DRD3: variants seen among roughly 807,000 people sequenced by gnomAD.
DRD3 encodes dopamine receptor D3, also known as D(3) dopamine receptor.
In DRD3, 19 loss-of-function variants were observed where a neutral mutation model predicts 36.3. That is an observed-to-expected ratio of 0.52 (90% CI 0.36 to 0.77). The LOEUF is 0.77. Among genes scored for constraint, DRD3 ranks in the 30% least tolerant of loss-of-function variants. The pLI, the probability that DRD3 is intolerant of heterozygous loss-of-function variation, is 0.00. For synonymous variants in DRD3, 195 were observed against 203.7 expected (o/e 0.96, Z 0.36); for missense variants, 465 against 505.3 (o/e 0.92, Z 0.77).
At chr3:114,188,210 C>CTTTTTTT (rs57147337) in intron 1 of DRD3, among the ~76,000 whole-genome samples, 7 of 122,876 alleles carry the variant, frequency 5.7e-5, no homozygotes, top group Non-Finnish European at 9.9e-5. Flanking sequence ...CTTTTTTTCC[C>CTTTTTTT]TTTTTTTTTT....
At chr3:114,196,108 T>C (rs1197883244) in intron 1 of DRD3, among the ~76,000 whole-genome samples, 1 of 152,232 alleles carries the variant, frequency 6.6e-6, no homozygotes, top group Non-Finnish European at 1.5e-5. Flanking sequence ...ATCCGTAACA[T>C]AGGAACTGTT....
At chr3:114,148,236 T>C (rs2077586067) in intron 3 of DRD3, among the ~76,000 whole-genome samples, 1 of 152,182 alleles carries the variant, frequency 6.6e-6, no homozygotes, top group East Asian at 1.9e-4. Context: ...CTGAACACTC[T>C]GGGTGCTGGT....
chr3:114,144,775 G>T (rs917822885), intron 4 of DRD3, among the ~76,000 whole-genome samples: 21 of 152,204 alleles, frequency 1.4e-4, no homozygotes, highest in African/African-American at 5.1e-4. Flanking sequence ...AGGCTTGCTA[G>T]AGTGCTATTA....
intron 3 of DRD3, among the ~76,000 whole-genome samples, chr3:114,159,294 C>G (rs762212402): frequency 3.4e-4 from 52 of 151,938 alleles, no homozygotes; most frequent in Non-Finnish European, 6.2e-4. Flanking sequence ...CTCTCTCCCC[C>G]TCAAAAATTA....
At chr3:114,129,140 C>G (rs2077404441) in intron 6 of DRD3, among the ~76,000 whole-genome samples, 1 of 152,002 alleles carries the variant, frequency 6.6e-6, no homozygotes, top group Admixed American at 6.6e-5. Flanking sequence ...GTCAGGAGTA[C>G]AAGACCAGTC....
At chr3:114,146,559 C>T (rs758238343) in intron 4 of DRD3, among the ~76,000 whole-genome samples, 13 of 151,444 alleles carry the variant, frequency 8.6e-5, no homozygotes, top group Non-Finnish European at 1.6e-4. Flanking sequence ...ATTAGTGGGG[C>T]GTGGTGGTGG....
intron 3 of DRD3, among the ~76,000 whole-genome samples, chr3:114,151,970 C>T (rs2077622288): frequency 1.3e-5 from 2 of 152,222 alleles, no homozygotes. Flanking sequence ...CCTGGGGGTC[C>T]TGTTAAAATG....
chr3:114,160,891 C>G (rs755218850), intron 2 of DRD3, among the ~76,000 whole-genome samples: 1 of 152,054 alleles, frequency 6.6e-6, no homozygotes, highest in Non-Finnish European at 1.5e-5. Context: ...ATGCATCTAT[C>G]TATACATGTA....
intron 3 of DRD3, among the ~76,000 whole-genome samples, chr3:114,149,413 A>T (rs2077596778): frequency 6.6e-6 from 1 of 152,172 alleles, no homozygotes; most frequent in Non-Finnish European, 1.5e-5. Flanking sequence ...TATGATGGCT[A>T]CAGCCTCCTC....
intron 5 of DRD3, among the ~76,000 whole-genome samples, chr3:114,133,325 T>G (rs574416715): frequency 1.9e-4 from 29 of 152,284 alleles, no homozygotes; most frequent in Non-Finnish European, 3.1e-4. Flanking sequence ...TGCAGAAATA[T>G]TTTGGGTTGA....
At chr3:114,196,628 T>C (rs185685223) in intron 1 of DRD3, among the ~76,000 whole-genome samples, 60 of 152,324 alleles carry the variant, frequency 3.9e-4, no homozygotes, top group African/African-American at 1.3e-3. Flanking sequence ...CAGCTCTACA[T>C]CCTTACTGAA....
intron 1 of DRD3, among the ~76,000 whole-genome samples, chr3:114,177,268 TG>T (rs1313117172): frequency 6.6e-6 from 1 of 152,198 alleles, no homozygotes; most frequent in African/African-American, 2.4e-5. Context: ...TCTTGCAAAT[TG>T]CTGCCTATTT....
intron 2 of DRD3, among the ~76,000 whole-genome samples, chr3:114,171,352 T>G (rs1055704114): frequency 2.0e-5 from 3 of 152,130 alleles, no homozygotes; most frequent in Admixed American, 1.3e-4. Flanking sequence ...CACCCTCATA[T>G]ACATTAAACA....
At chr3:114,144,250 G>A (rs149170708) in intron 4 of DRD3, among the ~76,000 whole-genome samples, 56 of 152,354 alleles carry the variant, frequency 3.7e-4, no homozygotes, top group Admixed American at 1.3e-3. Flanking sequence ...TCACAATTTC[G>A]TGTGGCAGCC....
At chr3:114,159,454 C>T (rs1248372963) in intron 3 of DRD3, among the ~76,000 whole-genome samples, 1 of 151,808 alleles carries the variant, frequency 6.6e-6, no homozygotes, top group African/African-American at 2.4e-5. Flanking sequence ...TAATGGGAAG[C>T]TTTCCTTCCT....
chr3:114,143,519 C>T (rs2077545073), intron 4 of DRD3, among the ~76,000 whole-genome samples: 1 of 152,196 alleles, frequency 6.6e-6, no homozygotes, highest in Admixed American at 6.5e-5. Flanking sequence ...TGGCTCAGAG[C>T]AGGTTTACTT....
chr3:114,165,201 T>C (rs530808241), intron 2 of DRD3, among the ~76,000 whole-genome samples: 2 of 152,316 alleles, frequency 1.3e-5, no homozygotes, highest in South Asian at 4.1e-4. Flanking sequence ...AAAATTCCTA[T>C]AATTTCAAAG....
chr3:114,191,840 T>C (rs550970368), intron 1 of DRD3, among the ~76,000 whole-genome samples: 6 of 152,380 alleles, frequency 3.9e-5, no homozygotes, highest in Admixed American at 3.9e-4. Flanking sequence ...CTGGTTTCTC[T>C]GAAATGCTTA....
chr3:114,188,544 T>C (rs1239234975), intron 1 of DRD3, among the ~76,000 whole-genome samples: 3 of 152,320 alleles, frequency 2.0e-5, no homozygotes, highest in East Asian at 1.9e-4. Context: ...ATAGATCTTA[T>C]CCTGGGGCTG....
Sources: gnomAD v4.1 joint callset for allele counts (sites outside exome capture counted in the v4.1 genomes callset) on GRCh38, gnomAD v4.1.1 for gene constraint, MANE v1.5 for transcripts, NCBI Gene and HGNC (gene_info 2026-07-23, HGNC 2026-07-21) for gene names.